The following NTM variants were observed in gnomAD, a reference collection of about 807,000 sequenced individuals.
The protein encoded by NTM is IgLON family member 2.
In NTM, 13 loss-of-function variants were observed where a neutral mutation model predicts 42.1. That is an observed-to-expected ratio of 0.31 (90% CI 0.20 to 0.49). The LOEUF (loss-of-function observed/expected upper bound fraction) is 0.49. NTM is among the 20% of genes least tolerant of loss of function. NTM has a pLI of 0.99. For missense variants in NTM, 373 were observed against 452.8 expected (o/e 0.82, Z 1.60); for synonymous variants, 187 against 179.2 (o/e 1.04, Z -0.35).
intron 2 of NTM, among the ~76,000 whole-genome samples, chr11:132,087,350 C>A (rs1047172520): frequency 6.6e-6 from 1 of 152,198 alleles, no homozygotes; most frequent in African/African-American, 2.4e-5. Context: ...ATCCATGAAA[C>A]AGGAGGCTTG....
At chr11:132,293,201 G>A (rs1458925862) in intron 4 of NTM, among the ~76,000 whole-genome samples, 7 of 152,202 alleles carry the variant, frequency 4.6e-5, no homozygotes, top group African/African-American at 1.7e-4. Context: ...TGTGATGGAA[G>A]AGGAAGAGGC....
chr11:131,428,932 G>A (rs1318163160), intron 1 of NTM, among the ~76,000 whole-genome samples: 2 of 149,378 alleles, frequency 1.3e-5, no homozygotes, highest in African/African-American at 4.9e-5. Flanking sequence ...GTGGTTACCT[G>A]TAATCCCAGC....
intron 1 of NTM, among the ~76,000 whole-genome samples, chr11:131,654,675 GCT>G (rs2066951923): frequency 1.3e-5 from 2 of 152,010 alleles, no homozygotes. Flanking sequence ...GTGAGTTCTG[GCT>G]CTGTTAGTTC....
intron 1 of NTM, among the ~76,000 whole-genome samples, chr11:131,721,984 G>A (rs1278606171): frequency 2.1e-5 from 2 of 94,648 alleles, no homozygotes; most frequent in Admixed American, 1.7e-4. Context: ...GGACAAGAGT[G>A]AAACTCTGTC....
chr11:131,855,415 C>CT (rs2136889316), intron 1 of NTM, among the ~76,000 whole-genome samples: 2 of 152,314 alleles, frequency 1.3e-5, no homozygotes, highest in South Asian at 4.1e-4. Flanking sequence ...GTGGATAACT[C>CT]TGACAATTTT....
chr11:132,253,970 G>A (rs2092242044), intron 4 of NTM, among the ~76,000 whole-genome samples: 1 of 152,108 alleles, frequency 6.6e-6, no homozygotes, highest in South Asian at 2.1e-4. Context: ...CCCTGGATAT[G>A]GAGTCTGGAG....
intron 1 of NTM, among the ~76,000 whole-genome samples, chr11:131,469,062 A>G (rs922758658): frequency 1.3e-5 from 2 of 152,098 alleles, no homozygotes; most frequent in East Asian, 1.9e-4. Flanking sequence ...TTATTTTTTC[A>G]TCTTATCCTG....
chr11:132,226,085 C>A (rs2086210655), intron 4 of NTM, among the ~76,000 whole-genome samples: 1 of 152,138 alleles, frequency 6.6e-6, no homozygotes, highest in East Asian at 1.9e-4. Flanking sequence ...TATATATGTA[C>A]CACATTTTCT....
intron 2 of NTM, among the ~76,000 whole-genome samples, chr11:132,047,563 T>TTCC (rs2078195756): frequency 6.6e-6 from 1 of 152,226 alleles, no homozygotes; most frequent in South Asian, 2.1e-4. Flanking sequence ...AAAACTGGGA[T>TTCC]TCCTGGTCTG....
intron 2 of NTM, among the ~76,000 whole-genome samples, chr11:131,948,880 T>C (rs2060671854): frequency 6.6e-6 from 1 of 152,248 alleles, no homozygotes; most frequent in Non-Finnish European, 1.5e-5. Context: ...CATTTTAAAG[T>C]CTACAATACA....
At chr11:132,217,870 C>T (rs2084248578) in intron 4 of NTM, among the ~76,000 whole-genome samples, 2 of 152,084 alleles carry the variant, frequency 1.3e-5, no homozygotes, top group Non-Finnish European at 2.9e-5. Context: ...CTCCCCTTCC[C>T]CAATATCCTC....
intron 1 of NTM, among the ~76,000 whole-genome samples, chr11:131,665,042 G>A (rs902490853): frequency 6.6e-6 from 1 of 152,078 alleles, no homozygotes; most frequent in Non-Finnish European, 1.5e-5. Flanking sequence ...CAAGCCTTAG[G>A]GAGAACCGTG....
chr11:131,404,129 C>T (rs139917851), intron 1 of NTM, among the ~76,000 whole-genome samples: 239 of 152,242 alleles, frequency 1.6e-3, no homozygotes, highest in Non-Finnish European at 2.6e-3. Context: ...CTCTTCTTCT[C>T]GGTAAAGCTT....
intron 1 of NTM, among the ~76,000 whole-genome samples, chr11:131,851,532 C>CGCGCGCGTGT (rs147213224): frequency 1.4e-5 from 2 of 146,702 alleles, no homozygotes; most frequent in East Asian, 4.1e-4. Flanking sequence ...GTGAGAATGG[C>CGCGCGCGTGT]GTGTGTGTGT....
At chr11:132,127,757 C>G (rs566190709) in intron 2 of NTM, among the ~76,000 whole-genome samples, 91 of 152,310 alleles carry the variant, frequency 6.0e-4, no homozygotes, top group Non-Finnish European at 9.4e-4. Flanking sequence ...TTTAGTCTCC[C>G]TACATTCACA....
chr11:131,899,610 G>A (rs1565697648), intron 1 of NTM, among the ~76,000 whole-genome samples: 1 of 152,158 alleles, frequency 6.6e-6, no homozygotes, highest in Non-Finnish European at 1.5e-5. Context: ...TACTTCAAAG[G>A]TTACAGATAT....
At chr11:131,457,651 C>T (rs528293159) in intron 1 of NTM, among the ~76,000 whole-genome samples, 23 of 152,120 alleles carry the variant, frequency 1.5e-4, no homozygotes, top group South Asian at 1.0e-3. Flanking sequence ...GTGTGAAATC[C>T]GGAGTTCAGG....
intron 7 of NTM, among the ~76,000 whole-genome samples, chr11:132,325,787 A>G (rs1310884131): frequency 2.6e-5 from 4 of 152,212 alleles, no homozygotes; most frequent in Non-Finnish European, 5.9e-5. Flanking sequence ...ACAACAATAG[A>G]CTGGATTAAG....
chr11:132,133,163 A>G lies in NTM; in HGVS notation c.168-13119A>G, dbSNP rs1046614104. 3.3e-5 allele frequency among the ~76,000 whole-genome samples: 5 copies of G among 152,186 alleles called. 1 individual carries two copies. The highest frequency in any genetic ancestry group is 2.0e-4 in the Admixed American group (3 of 15,268). On this transcript the variant is annotated intron_variant, in intron 2 of 8. Coordinates refer to ENST00000683400, the MANE Select transcript of NTM (RefSeq NM_001352005.2). ...ATAAATTATCTCCCATGTCTCTCCC[A>G]GCACCATATTTATACTCATTTGTAA... is the stretch of plus-strand genomic sequence containing the variant.
Sources: allele counts gnomAD v4.1 joint callset (sites outside exome capture counted in the v4.1 genomes callset), GRCh38; gene constraint gnomAD v4.1.1; transcripts MANE v1.5; gene names NCBI Gene and HGNC (gene_info 2026-07-23, HGNC 2026-07-21).